The following VPS13B variants were observed in gnomAD, a reference collection of about 807,000 sequenced individuals.
VPS13B encodes the protein vacuolar protein sorting 13 homolog B.
In VPS13B, 285 loss-of-function variants were observed where a neutral mutation model predicts 426.4. The observed-to-expected ratio is 0.67, with a 90% confidence interval of 0.61 to 0.74. The LOEUF (loss-of-function observed/expected upper bound fraction) is 0.74, where lower values mean the gene tolerates loss of function less well. Ranked by LOEUF, VPS13B falls within the 30% of genes least tolerant of loss-of-function variation. The probability of loss-of-function intolerance (pLI) is 0.00; values close to 1 mark genes in which losing one functional copy is unlikely to be tolerated. For missense variants in VPS13B, 4,537 were observed against 4,782.6 expected, an observed-to-expected ratio of 0.95 and a Z score of 1.51; for synonymous variants, 1,676 against 1,676.4, an observed-to-expected ratio of 1.00 and a Z score of 0.01.
intron 16 of VPS13B, among the ~76,000 whole-genome samples, chr8:99,178,606 A>G (rs1812769694): frequency 6.6e-6 from 1 of 151,748 alleles, no homozygotes; most frequent in African/African-American, 2.4e-5. Flanking sequence ...GACATCTTTT[A>G]TTTATTTTAT....
At chr8:99,393,984 C>T (rs1814596169) in intron 21 of VPS13B, among the ~76,000 whole-genome samples, 1 of 152,018 alleles carries the variant, frequency 6.6e-6, no homozygotes, top group African/African-American at 2.4e-5. Context: ...TATATTGCAT[C>T]ATAAATTATA....
At chr8:99,873,046 A>C (rs1817510096) in intron 61 of VPS13B, among the ~76,000 whole-genome samples, 1 of 152,234 alleles carries the variant, frequency 6.6e-6, no homozygotes, top group African/African-American at 2.4e-5. Context: ...TCTTCTGATC[A>C]GTTGAGTAAA....
chr8:99,866,708 T>G (rs941454578), intron 58 of VPS13B, among the ~76,000 whole-genome samples: 5 of 152,246 alleles, frequency 3.3e-5, no homozygotes, highest in Non-Finnish European at 7.3e-5. Flanking sequence ...CACTCTTTGA[T>G]TTGATGCTGT....
chr8:99,518,273 T>C (rs763192961), intron 29 of VPS13B, among the ~76,000 whole-genome samples: 12 of 152,184 alleles, frequency 7.9e-5, no homozygotes, highest in Non-Finnish European at 1.6e-4. Context: ...CGGTTTATTC[T>C]CCAGGCTTAC....
At chr8:99,339,496 T>C (rs576294185) in intron 19 of VPS13B, among the ~76,000 whole-genome samples, 24 of 152,088 alleles carry the variant, frequency 1.6e-4, no homozygotes, top group African/African-American at 5.3e-4. Context: ...ACTAATCCAT[T>C]CATGAGAAAT....
At chr8:99,264,998 T>C (rs888143391) in intron 17 of VPS13B, among the ~76,000 whole-genome samples, 1 of 152,160 alleles carries the variant, frequency 6.6e-6, no homozygotes, top group Non-Finnish European at 1.5e-5. Context: ...TAAAGAGAAC[T>C]AGCATCATGT....
intron 33 of VPS13B, among the ~76,000 whole-genome samples, chr8:99,579,202 C>A (rs16897473): frequency 0.17 from 26,525 of 152,024 alleles, 2,836 homozygotes; most frequent in East Asian, 0.39. Context: ...TAAAACTTTC[C>A]GTATTTTAGA....
At chr8:99,349,332 C>CAAAAAAAAAAA (rs35441676) in intron 19 of VPS13B, among the ~76,000 whole-genome samples, 16 of 47,644 alleles carry the variant, frequency 3.4e-4, no homozygotes, top group Non-Finnish European at 4.7e-4. Context: ...GACTCCGTCT[C>CAAAAAAAAAAA]AAAAAAAAAA....
chr8:99,353,602 C>CAAA (rs200551748), intron 19 of VPS13B, among the ~76,000 whole-genome samples: 38 of 108,774 alleles, frequency 3.5e-4, no homozygotes, highest in African/African-American at 1.2e-3. Flanking sequence ...AGACTTCTTT[C>CAAA]AAAAAAAAAA....
chr8:99,545,656 TAA>T (rs908171029), intron 30 of VPS13B, among the ~76,000 whole-genome samples: 2 of 152,098 alleles, frequency 1.3e-5, no homozygotes, highest in Non-Finnish European at 2.9e-5. Context: ...TTGCTGAGTA[TAA>T]GAGTTTCGTG....
chr8:99,290,625 A>G (rs925320692), intron 19 of VPS13B, among the ~76,000 whole-genome samples: 76 of 151,784 alleles, frequency 5.0e-4, no homozygotes, highest in African/African-American at 1.4e-3. Context: ...TGCACGTTGT[A>G]CACATGTACC....
At chr8:99,832,304 A>G in intron 51 of VPS13B, 65 bp from the exon 52 acceptor site, 1 of 1,439,126 alleles carries the variant, frequency 6.9e-7, no homozygotes. Context: ...TAAAAAGTTT[A>G]ATTCTGCTGT....
chr8:99,067,010 T>A (rs887549429), intron 3 of VPS13B, among the ~76,000 whole-genome samples: 1 of 152,132 alleles, frequency 6.6e-6, no homozygotes. Flanking sequence ...CTGGAGAGGA[T>A]GTGTAGAAAT....
At chr8:99,650,946 C>T (rs1267142138) in intron 34 of VPS13B, among the ~76,000 whole-genome samples, 1 of 152,104 alleles carries the variant, frequency 6.6e-6, no homozygotes, top group East Asian at 1.9e-4. Context: ...CAACTATTTA[C>T]ATAGCACTTA....
intron 3 of VPS13B, among the ~76,000 whole-genome samples, chr8:99,048,770 A>T (rs1296624356): frequency 6.6e-6 from 1 of 151,856 alleles, no homozygotes; most frequent in Non-Finnish European, 1.5e-5. Flanking sequence ...AGCCAAGATC[A>T]AGCCACTGCA....
At chr8:99,559,443 G>A in intron 31 of VPS13B, among the ~76,000 whole-genome samples, 1 of 152,126 alleles carries the variant, frequency 6.6e-6, no homozygotes, top group East Asian at 1.9e-4. Flanking sequence ...CGCTTTTGTT[G>A]CCATTGCTTT....
intron 19 of VPS13B, among the ~76,000 whole-genome samples, chr8:99,276,624 C>A (rs554972551): frequency 1.3e-5 from 2 of 152,092 alleles, no homozygotes; most frequent in East Asian, 3.9e-4. Context: ...TTTATAAAAG[C>A]AGGAAGTGGG....
At chr8:99,790,302 T>A (rs1202281425) in intron 43 of VPS13B, among the ~76,000 whole-genome samples, 1 of 152,222 alleles carries the variant, frequency 6.6e-6, no homozygotes, top group Non-Finnish European at 1.5e-5. Flanking sequence ...CCAAATTATC[T>A]GACCTCCAAG....
At chr8:99,802,294 A>G (rs1314777784) in intron 43 of VPS13B, among the ~76,000 whole-genome samples, 1 of 152,168 alleles carries the variant, frequency 6.6e-6, no homozygotes, top group East Asian at 1.9e-4. Flanking sequence ...GACTACAGAG[A>G]TGAACTGAAG....
Sources: gnomAD v4.1 joint callset for allele counts (sites outside exome capture counted in the v4.1 genomes callset) on GRCh38, gnomAD v4.1.1 for gene constraint, MANE v1.5 for transcripts, NCBI Gene and HGNC (gene_info 2026-07-23, HGNC 2026-07-21) for gene names.